PRDM16: variants seen among roughly 807,000 people sequenced by gnomAD.
PRDM16 encodes the protein PR/SET domain 16.
Under a neutral mutation model 110.6 loss-of-function variants are expected in PRDM16, and 23 were observed. That is an observed-to-expected ratio of 0.21 (90% CI 0.15 to 0.29). The LOEUF (loss-of-function observed/expected upper bound fraction) is 0.29, where lower values mean the gene tolerates loss of function less well. Among genes scored for constraint, PRDM16 ranks in the 10% least tolerant of loss-of-function variants. The probability of loss-of-function intolerance (pLI) is 1.00; values close to 1 mark genes in which losing one functional copy is unlikely to be tolerated. For missense variants in PRDM16, 1,615 were observed against 1,794.3 expected (o/e 0.90, Z 1.81); for synonymous variants, 799 against 781.8 (o/e 1.02, Z -0.37).
chr1:3,115,672 C>T (rs545630755), intron 1 of PRDM16, among the ~76,000 whole-genome samples: 12 of 152,280 alleles, frequency 7.9e-5, no homozygotes, highest in African/African-American at 2.4e-4. Flanking sequence ...GGGCAAAGGC[C>T]GGGCTGACCG....
intron 3 of PRDM16, among the ~76,000 whole-genome samples, chr1:3,262,160 A>C (rs1037764463): frequency 6.6e-6 from 1 of 152,258 alleles, no homozygotes; most frequent in Non-Finnish European, 1.5e-5. Context: ...GCCGAAGATC[A>C]CACAGCAGTG....
chr1:3,351,116 G>A (rs915124613), intron 3 of PRDM16, among the ~76,000 whole-genome samples: 16 of 152,174 alleles, frequency 1.1e-4, no homozygotes, highest in Admixed American at 6.5e-5. Flanking sequence ...CGTTTTGGGG[G>A]CATGTTCACC....
intron 12 of PRDM16, among the ~76,000 whole-genome samples, chr1:3,419,456 G>A (rs369617116): frequency 6.6e-6 from 1 of 152,268 alleles, no homozygotes; most frequent in Non-Finnish European, 1.5e-5. Context: ...TGAGGGGCCC[G>A]AGGCTCAGAG....
At chr1:3,077,917 T>C (rs1641935595) in intron 1 of PRDM16, among the ~76,000 whole-genome samples, 1 of 152,176 alleles carries the variant, frequency 6.6e-6, no homozygotes, top group South Asian at 2.1e-4. Flanking sequence ...CATGAAATGA[T>C]TGTTAGCTGC....
intron 3 of PRDM16, among the ~76,000 whole-genome samples, chr1:3,264,658 G>C (rs1460268394): frequency 6.6e-6 from 1 of 151,102 alleles, no homozygotes; most frequent in Non-Finnish European, 1.5e-5. Context: ...AAAGGGGAGG[G>C]GCGTGGAGGG....
chr1:3,329,030 G>A (rs1325398303), intron 3 of PRDM16, among the ~76,000 whole-genome samples: 2 of 123,030 alleles, frequency 1.6e-5, no homozygotes, highest in South Asian at 3.1e-4. Context: ...CCCCCCAGGC[G>A]AGGAATGGGC....
chr1:3,367,726 A>G (rs911726672), intron 3 of PRDM16, among the ~76,000 whole-genome samples: 10 of 152,148 alleles, frequency 6.6e-5, no homozygotes, highest in African/African-American at 2.2e-4. Context: ...AAGCACTTAC[A>G]CTTCTGAATG....
intron 1 of PRDM16, among the ~76,000 whole-genome samples, chr1:3,120,711 C>T (rs1643075802): frequency 6.6e-6 from 1 of 152,148 alleles, no homozygotes; most frequent in South Asian, 2.1e-4. Context: ...GGTGGATAGT[C>T]GGTGAGGAGA....
At chr1:3,270,052 C>T (rs541903063) in intron 3 of PRDM16, among the ~76,000 whole-genome samples, 21 of 144,452 alleles carry the variant, frequency 1.5e-4, no homozygotes, top group South Asian at 4.5e-4. Flanking sequence ...AGGTGAGTCC[C>T]GGAGGATGAC....
intron 12 of PRDM16, among the ~76,000 whole-genome samples, chr1:3,423,316 G>T (rs72633339): frequency 0.024 from 3,718 of 152,320 alleles, 58 homozygotes; most frequent in Middle Eastern, 0.061. Flanking sequence ...CGCAGCCCCT[G>T]CACGTGGGGA....
intron 1 of PRDM16, chr1:3,133,201 A>T (rs1436414649): frequency 2.6e-5 from 4 of 152,292 alleles, no homozygotes. Flanking sequence ...CTCAGGTTCC[A>T]GGGCAGGAGC....
chr1:3,076,128 G>A (rs555809087), intron 1 of PRDM16, among the ~76,000 whole-genome samples: 7 of 152,326 alleles, frequency 4.6e-5, no homozygotes, highest in African/African-American at 1.4e-4. Flanking sequence ...CTCCTCTCAG[G>A]ATAACAGGCT....
In PRDM16 at chr1:3,114,392, A is replaced by G. The variant is rs111203487; in HGVS notation, c.37+45096A>G. Among the ~76,000 whole-genome samples, 335 of 139,872 alleles carry G rather than the reference A, an allele frequency of 2.4e-3. 3 individuals are homozygous for G. Among genetic ancestry groups the G allele is most frequent in the African/African-American group, 8.9e-3 (317 of 35,516 alleles). The allele number at this position is 139,872 out of a possible 152,430, so 91.8% of individuals were successfully genotyped here. Reference sequence around the variant, plus strand: ...CACACGCAGGTGTAAACAGACGCGCACGCACGCGCACACACACGCACACAC... The same window carrying G: ...CACACGCAGGTGTAAACAGACGCGCGCGCACGCGCACACACACGCACACAC... On this transcript the variant is annotated intron_variant, in intron 1 of 16. Coordinates refer to ENST00000270722, the MANE Select transcript of PRDM16 (RefSeq NM_022114.4).
intron 3 of PRDM16, among the ~76,000 whole-genome samples, chr1:3,263,279 C>T (rs1484912770): frequency 2.0e-5 from 3 of 152,200 alleles, no homozygotes; most frequent in African/African-American, 2.4e-5. Flanking sequence ...CTCCCCGCCC[C>T]GCCCGGCTTT....
At chr1:3,216,625 A>G (rs1273457757) in intron 2 of PRDM16, among the ~76,000 whole-genome samples, 1 of 152,234 alleles carries the variant, frequency 6.6e-6, no homozygotes, top group Non-Finnish European at 1.5e-5. Flanking sequence ...GCATCCTAGC[A>G]GGCTGGAGCT....
At chr1:3,297,537 G>A (rs1481114380) in intron 3 of PRDM16, among the ~76,000 whole-genome samples, 1 of 152,082 alleles carries the variant, frequency 6.6e-6, no homozygotes, top group African/African-American at 2.4e-5. Context: ...ACCCACCTCA[G>A]TCTCCAAAAA....
chr1:3,268,065 A>G (rs1308698680), intron 3 of PRDM16, among the ~76,000 whole-genome samples: 1 of 152,156 alleles, frequency 6.6e-6, no homozygotes, highest in Non-Finnish European at 1.5e-5. Context: ...CCGGCCCTCA[A>G]ACCATGACCC....
chr1:3,429,439 G>T (rs143414132), intron 14 of PRDM16, among the ~76,000 whole-genome samples: 6 of 152,230 alleles, frequency 3.9e-5, no homozygotes, highest in Admixed American at 1.3e-4. Flanking sequence ...GCAAACCCAC[G>T]TGGGGCCACC....
chr1:3,336,282 CTG>C (rs201720655), intron 3 of PRDM16, among the ~76,000 whole-genome samples: 2,557 of 152,282 alleles, frequency 0.017, 81 homozygotes, highest in African/African-American at 0.057. Flanking sequence ...ATGTTTATCT[CTG>C]TGTATGAGCA....
Sources: gnomAD v4.1 joint callset for allele counts (sites outside exome capture counted in the v4.1 genomes callset) on GRCh38, gnomAD v4.1.1 for gene constraint, MANE v1.5 for transcripts, NCBI Gene and HGNC (gene_info 2026-07-23, HGNC 2026-07-21) for gene names.